The following PXDNL variants were observed in gnomAD, a reference collection of about 807,000 sequenced individuals.
PXDNL encodes the protein probable oxidoreductase PXDNL.
A neutral mutation model predicts 150.8 loss-of-function variants in PXDNL; 145 were observed. The ratio of observed to expected loss-of-function variants is 0.96; its 90% CI spans 0.84 to 1.10. The LOEUF (loss-of-function observed/expected upper bound fraction) is 1.10. PXDNL is among the 50% of genes least tolerant of loss of function. PXDNL has a pLI of 0.00. For missense variants in PXDNL, 2,087 were observed against 1,873.9 expected, an observed-to-expected ratio of 1.11 and a Z score of -2.10; for synonymous variants, 757 against 725.7, an observed-to-expected ratio of 1.04 and a Z score of -0.69.
intron 1 of PXDNL, among the ~76,000 whole-genome samples, chr8:51,777,690 G>A (rs1326736247): frequency 6.6e-6 from 1 of 151,976 alleles, no homozygotes; most frequent in Non-Finnish European, 1.5e-5. Flanking sequence ...ATCACCTGAG[G>A]TCAGGAGTCT....
chr8:51,446,932 C>T, intron 12 of PXDNL, 72 bp downstream of exon 12: 1 of 1,337,848 alleles, frequency 7.5e-7, no homozygotes, highest in East Asian at 2.3e-5. Flanking sequence ...CATAAGATCC[C>T]TGTCAGGTGT....
Position 51,494,180 on chromosome 8 carries a change from A to G in PXDNL, c.452+5519T>C, listed in dbSNP as rs185807855. Among the ~76,000 whole-genome samples the G allele has an allele frequency of 5.1e-3, 783 of 152,312 alleles. 1 individual carries two copies. The highest frequency in any genetic ancestry group is 0.017 in the Middle Eastern group (5 of 294). On this transcript the variant is annotated intron_variant, in intron 5 of 22. Transcript: ENST00000356297. ...CCAGAATTTCATATCCAGCCAAACTAAGCTTCATAACTGAAGGATAAATAA... is the reference window on the plus strand; with the variant it reads ...CCAGAATTTCATATCCAGCCAAACTGAGCTTCATAACTGAAGGATAAATAA...
intron 1 of PXDNL, among the ~76,000 whole-genome samples, chr8:51,803,865 T>A (rs2129265160): frequency 6.6e-6 from 1 of 152,344 alleles, no homozygotes; most frequent in East Asian, 1.9e-4. Flanking sequence ...CAGAACTGCA[T>A]GTTTTGCCTC....
chr8:51,583,034 T>TATATA (rs1172982197), intron 3 of PXDNL, among the ~76,000 whole-genome samples: 2 of 152,212 alleles, frequency 1.3e-5, no homozygotes, highest in African/African-American at 4.8e-5. Context: ...GTTGTCACAG[T>TATATA]ATATAATATT....
intron 17 of PXDNL, among the ~76,000 whole-genome samples, chr8:51,403,970 G>A (rs1808352692): frequency 6.6e-6 from 1 of 152,170 alleles, no homozygotes; most frequent in Admixed American, 6.5e-5. Context: ...TGGGTTCGTG[G>A]TCTCACTGGC....
chr8:51,523,189 T>A (rs1348841831), intron 4 of PXDNL, among the ~76,000 whole-genome samples: 2 of 152,216 alleles, frequency 1.3e-5, no homozygotes, highest in Non-Finnish European at 2.9e-5. Flanking sequence ...AAATAGTATA[T>A]GAAAAGTCGA....
Position 51,473,835 on chromosome 8 carries a change from T to G in PXDNL, c.694+1137A>C, listed in dbSNP as rs533094355. 2.0e-5 allele frequency among the ~76,000 whole-genome samples: 3 copies of G among 152,130 alleles called. No individual in the cohort carries two copies. The East Asian group carries it at 5.8e-4, about 29-fold the overall frequency. On this transcript the variant is annotated intron_variant, in intron 7 of 22. Transcript: ENST00000356297. ...AAAAGAATCAACCATGTTAAGAATT[T>G]TGTGCTTTATTTTAAGGTAGGAACC...
chr8:51,522,214 A>ATTATTCTTCTTATATTCT (rs1811677277), intron 4 of PXDNL, among the ~76,000 whole-genome samples: 1 of 152,234 alleles, frequency 6.6e-6, no homozygotes, highest in South Asian at 2.1e-4. Context: ...AGGAAGGAAT[A>ATTATTCTTCTTATATTCT]ATATATTCTA....
At chr8:51,418,922 A>G (rs1808873765) in intron 14 of PXDNL, among the ~76,000 whole-genome samples, 1 of 152,194 alleles carries the variant, frequency 6.6e-6, no homozygotes, top group African/African-American at 2.4e-5. Context: ...AAAGAAGAGA[A>G]GTGGAAAAGA....
chr8:51,621,642 T>C (rs1211716245), intron 2 of PXDNL, among the ~76,000 whole-genome samples: 1 of 152,060 alleles, frequency 6.6e-6, no homozygotes, highest in Admixed American at 6.6e-5. Context: ...CTTACATATA[T>C]AAAAGTAATT....
At chr8:51,748,134 C>A (rs898823281) in intron 1 of PXDNL, among the ~76,000 whole-genome samples, 6 of 152,176 alleles carry the variant, frequency 3.9e-5, no homozygotes, top group Non-Finnish European at 8.8e-5. Context: ...TAACTCAAAG[C>A]CTCCTAGTCA....
chr8:51,381,573 A>G (rs552859043), intron 17 of PXDNL, among the ~76,000 whole-genome samples: 6 of 152,248 alleles, frequency 3.9e-5, no homozygotes, highest in Non-Finnish European at 7.4e-5. Context: ...GATGTGATCA[A>G]GTTAAGATTA....
rs142522449 is a variant in PXDNL at position 51,576,791 on chromosome 8, G to C, written c.308+15836C>G. Among the ~76,000 whole-genome samples, 1,500 of 151,668 alleles carry C rather than the reference G, an allele frequency of 9.9e-3. 6 individuals carry two copies. The highest frequency in any genetic ancestry group is 0.032 in the South Asian group (155 of 4,804). On this transcript the variant is annotated intron_variant, in intron 3 of 22. Coordinates refer to ENST00000356297, the MANE Select transcript of PXDNL (RefSeq NM_144651.5). ...CAAGACTGACAAAGAACAAAAGAGA[G>C]AAAACACAAATACCAATATGAGAAA...
chr8:51,413,818 A>G (rs533527456), intron 14 of PXDNL, among the ~76,000 whole-genome samples: 2 of 152,318 alleles, frequency 1.3e-5, no homozygotes, highest in East Asian at 3.9e-4. Context: ...TTTCCAGGCT[A>G]TTGAATCTTC....
intron 3 of PXDNL, among the ~76,000 whole-genome samples, chr8:51,568,297 T>C (rs1230334079): frequency 6.6e-6 from 1 of 151,824 alleles, no homozygotes; most frequent in Non-Finnish European, 1.5e-5. Flanking sequence ...GCAAGGCAGG[T>C]CTATTAGTAA....
At chr8:51,486,000 T>C (rs566850232) in intron 5 of PXDNL, among the ~76,000 whole-genome samples, 9 of 152,296 alleles carry the variant, frequency 5.9e-5, no homozygotes, top group Admixed American at 4.6e-4. Context: ...CCAGGACAAT[T>C]TATGCCTGCT....
intron 1 of PXDNL, among the ~76,000 whole-genome samples, chr8:51,735,148 A>T (rs557648173): frequency 6.6e-6 from 1 of 152,342 alleles, no homozygotes; most frequent in East Asian, 1.9e-4. Context: ...ATCATGTTAT[A>T]TGCCATAAAT....
At chr8:51,442,547 T>G (rs573299338) in intron 12 of PXDNL, among the ~76,000 whole-genome samples, 1 of 152,172 alleles carries the variant, frequency 6.6e-6, no homozygotes, top group South Asian at 2.1e-4. Flanking sequence ...CAGACCTATG[T>G]TATGAAGAGT....
chr8:51,565,218 C>T (rs1812793669), intron 3 of PXDNL, among the ~76,000 whole-genome samples: 1 of 151,554 alleles, frequency 6.6e-6, no homozygotes, highest in Admixed American at 6.6e-5. Context: ...CAACATACAG[C>T]TTATTCAGTG....
Sources: gnomAD v4.1 joint callset for allele counts (sites outside exome capture counted in the v4.1 genomes callset) on GRCh38, gnomAD v4.1.1 for gene constraint, MANE v1.5 for transcripts, NCBI Gene and HGNC (gene_info 2026-07-23, HGNC 2026-07-21) for gene names.